CSMD3: variants seen among roughly 807,000 people sequenced by gnomAD.
CSMD3 encodes the protein CUB and Sushi multiple domains 3.
In CSMD3, 177 loss-of-function variants were observed where a neutral mutation model predicts 435.2. That is an observed-to-expected ratio of 0.41 (90% CI 0.36 to 0.46). The LOEUF (loss-of-function observed/expected upper bound fraction) is 0.46, where lower values mean the gene tolerates loss of function less well. Among genes scored for constraint, CSMD3 ranks in the 20% least tolerant of loss-of-function variants. CSMD3 has a pLI of 0.34. For missense variants in CSMD3, 4,265 were observed against 4,504.6 expected (o/e 0.95, Z 1.52); for synonymous variants, 1,656 against 1,520.5 (o/e 1.09, Z -2.07).
In CSMD3 at chr8:112,247,004, T is replaced by C; in HGVS notation, c.10222+16A>G. 1 of 1,552,548 alleles carries C rather than the reference T, an allele frequency of 6.4e-7. No individual in the cohort carries two copies. The highest frequency in any genetic ancestry group is 1.1e-5 in the South Asian group (1 of 89,800). On this transcript the variant is annotated intron_variant, in intron 64 of 70. Coordinates refer to ENST00000297405, the MANE Select transcript of CSMD3 (RefSeq NM_198123.2). ...TCTTACCCATGATAGCATTATTTCT[T>C]ATCCATAATACTTACGTATGCATTC...
chr8:112,380,413 C>A lies in CSMD3; in HGVS notation c.6075G>T (p.Leu2025=). The part of the protein sequence containing the change: ...PHLLNSTSNN[L]YLNFQSDISV... ...TGATGTCTGATTGAAAATTTAGATA[C>A]AGATTATTAGACGTACTATTCAAAA... Residue 2025 remains leucine (L), a synonymous_variant, in exon 38 of 71, where the codon CTG becomes CTT. Transcript: ENST00000297405. 1 of 1,602,998 alleles carries A rather than the reference C, an allele frequency of 6.2e-7. No individual in the cohort carries two copies. The highest frequency in any genetic ancestry group is 8.5e-7 in the Non-Finnish European group (1 of 1,170,390).
At position 112,550,805 on chromosome 8, in the gene CSMD3, T is replaced by G. The variant is rs748066719; in HGVS notation, c.4430A>C (p.Glu1477Ala). The change falls in exon 27 of 71, where the codon GAA (glutamate) becomes GCA (alanine). Residue 1477 changes from glutamate (E) to alanine (A), a missense_variant. This residue lies in a region of CSMD3 where 3,255 missense variants were observed against 3,380.2 expected (regional missense o/e 0.96). Coordinates refer to ENST00000297405, the MANE Select transcript of CSMD3 (RefSeq NM_198123.2). ...DILRVWDGPP[E>A]NDMLLKEISG... ...AATTTCCTTTAAAAGCATATCATTT[T>G]CTGGTGGACCGTCCCAGACTCGGAG... The G allele has an allele frequency of 6.2e-7, 1 of 1,611,998 alleles. No homozygotes were observed. The highest frequency in any genetic ancestry group is 1.7e-5 in the Admixed American group (1 of 59,886).
chr8:112,362,448 C>T (rs1827334006), intron 38 of CSMD3, among the ~76,000 whole-genome samples: 1 of 151,922 alleles, frequency 6.6e-6, no homozygotes, highest in Non-Finnish European at 1.5e-5. Flanking sequence ...AATGAATACT[C>T]AGTAATACAC....
chr8:112,702,989 T>C (rs1426132872), intron 13 of CSMD3, among the ~76,000 whole-genome samples: 1 of 151,998 alleles, frequency 6.6e-6, no homozygotes, highest in South Asian at 2.1e-4. Flanking sequence ...TCCTGCAGGG[T>C]TTCTTAATGA....
At chr8:112,238,008 A>C (rs1189147908) in intron 66 of CSMD3, among the ~76,000 whole-genome samples, 2 of 152,114 alleles carry the variant, frequency 1.3e-5, no homozygotes, top group Non-Finnish European at 2.9e-5. Flanking sequence ...AAGCTTATAA[A>C]ATTTTCATCT....
At chr8:113,077,869 C>T (rs765278246) in intron 5 of CSMD3, among the ~76,000 whole-genome samples, 5 of 152,088 alleles carry the variant, frequency 3.3e-5, no homozygotes, top group African/African-American at 7.2e-5. Context: ...TTGGTTTATA[C>T]AGCATGTTTA....
chr8:113,279,792 CTAAT>C (rs1337653571), intron 2 of CSMD3, among the ~76,000 whole-genome samples: 1 of 151,676 alleles, frequency 6.6e-6, no homozygotes, highest in Non-Finnish European at 1.5e-5. Context: ...AGTTATGAGT[CTAAT>C]TAGTTTTTTC....
At chr8:112,984,783 A>C (rs539753824) in intron 6 of CSMD3, among the ~76,000 whole-genome samples, 1 of 152,250 alleles carries the variant, frequency 6.6e-6, no homozygotes, top group Admixed American at 6.5e-5. Context: ...TTCATTCCAA[A>C]AAATGCAAAT....
At chr8:112,958,780 ATG>A (rs1587764852) in intron 7 of CSMD3, among the ~76,000 whole-genome samples, 1 of 152,234 alleles carries the variant, frequency 6.6e-6, no homozygotes, top group East Asian at 1.9e-4. Context: ...ATTTGTCTTT[ATG>A]TTTTATGTTA....
intron 5 of CSMD3, among the ~76,000 whole-genome samples, chr8:113,059,854 A>G (rs1440606490): frequency 6.6e-6 from 1 of 152,190 alleles, no homozygotes; most frequent in Non-Finnish European, 1.5e-5. Context: ...GCAGGAGGAA[A>G]AATAAGCAGC....
At chr8:112,406,043 G>A (rs944418068) in intron 35 of CSMD3, among the ~76,000 whole-genome samples, 4 of 151,610 alleles carry the variant, frequency 2.6e-5, no homozygotes, top group South Asian at 4.2e-4. Context: ...TTGGATTGTC[G>A]CAACACAATG....
rs2130279900 is a variant in CSMD3 at position 112,255,406 on chromosome 8, C to A, written c.9884G>T (p.Gly3295Val). The A allele has an allele frequency of 1.2e-6, 2 of 1,613,470 alleles. No individual in the cohort carries two copies. Among genetic ancestry groups the A allele is most frequent in the Non-Finnish European group, 1.7e-6 (2 of 1,179,736 alleles). Residue 3295 changes from glycine to valine, a missense_variant, in exon 62 of 71, where the codon GGT (glycine) becomes GTT (valine). By Grantham distance (109) the Gly-to-Val change is moderately radical. Around this residue, in one of 3 missense-constraint regions of CSMD3, gnomAD observed 3,255 missense variants for 3,380.2 expected, o/e 0.96. Transcript: ENST00000297405. ...QCLPKFCGDP[G>V]IPAQGKREGK... ...TTCTCTTTTTCCTTGGGCAGGTATA[C>A]CAGGGTCACCACAAAACTTTGCTGG... is the stretch of plus-strand genomic sequence containing the variant.
At chr8:112,596,949 T>G (rs1437715463) in intron 22 of CSMD3, among the ~76,000 whole-genome samples, 3 of 151,516 alleles carry the variant, frequency 2.0e-5, no homozygotes, top group Non-Finnish European at 2.9e-5. Context: ...ACATCACAAT[T>G]AAAAGAACTA....
At chr8:113,357,572 A>G (rs147169597) in intron 1 of CSMD3, among the ~76,000 whole-genome samples, 2 of 152,320 alleles carry the variant, frequency 1.3e-5, no homozygotes, top group African/African-American at 4.8e-5. Context: ...GTAGCACTAT[A>G]TTTAGCTTCA....
At chr8:112,971,991 T>C (rs1028564542) in intron 7 of CSMD3, among the ~76,000 whole-genome samples, 14 of 152,112 alleles carry the variant, frequency 9.2e-5, no homozygotes, top group Non-Finnish European at 1.6e-4. Flanking sequence ...TATTCATTAA[T>C]TTTACAGTTG....
chr8:113,381,261 A>T (rs2094414015), intron 1 of CSMD3, among the ~76,000 whole-genome samples: 1 of 152,202 alleles, frequency 6.6e-6, no homozygotes, highest in African/African-American at 2.4e-5. Context: ...GAAATAATTT[A>T]TATAACATAT....
At chr8:112,316,562 C>T (rs967026158) in intron 47 of CSMD3, among the ~76,000 whole-genome samples, 5 of 151,674 alleles carry the variant, frequency 3.3e-5, no homozygotes, top group Non-Finnish European at 7.4e-5. Flanking sequence ...AGCCTGACAG[C>T]CACCAAGAAT....
chr8:113,264,080 T>C (rs1336038993), intron 3 of CSMD3, among the ~76,000 whole-genome samples: 1 of 151,426 alleles, frequency 6.6e-6, no homozygotes, highest in Non-Finnish European at 1.5e-5. Context: ...ATTTCAAGTT[T>C]ATTTTTTATG....
At position 112,675,177 on chromosome 8, in the gene CSMD3, A is replaced by T. The variant is rs1586942729; in HGVS notation, c.2677+7265T>A. Among the ~76,000 whole-genome samples the T allele has an allele frequency of 2.0e-5, 3 of 152,254 alleles. No homozygotes were observed. In the East Asian group the frequency reaches 5.8e-4, roughly 29 times the overall value. On this transcript the variant is annotated intron_variant, in intron 16 of 70. Coordinates refer to ENST00000297405, the MANE Select transcript of CSMD3 (RefSeq NM_198123.2). ...GGAAAATTTAGTTCTCCATTTTGTT[A>T]GTCACACATTTATTCCTATGGTTTT... is the stretch of plus-strand genomic sequence containing the variant.
Sources: allele counts gnomAD v4.1 joint callset (sites outside exome capture counted in the v4.1 genomes callset), GRCh38; gene constraint gnomAD v4.1.1; regional missense constraint gnomAD v4.1.1; transcripts MANE v1.5; gene names NCBI Gene and HGNC (gene_info 2026-07-23, HGNC 2026-07-21).